SH3GL2: variants seen among roughly 807,000 people sequenced by gnomAD.
The protein encoded by SH3GL2 is SH3 domain containing GRB2 like 2, endophilin A1.
Under a neutral mutation model 46.0 loss-of-function variants are expected in SH3GL2, and 24 were observed. The ratio of observed to expected loss-of-function variants is 0.52; its 90% CI spans 0.38 to 0.73. The LOEUF (loss-of-function observed/expected upper bound fraction) is 0.73. SH3GL2 is among the 30% of genes least tolerant of loss of function. The probability of loss-of-function intolerance (pLI) is 0.00; values close to 1 mark genes in which losing one functional copy is unlikely to be tolerated. For synonymous variants in SH3GL2, 196 were observed against 147.1 expected (o/e 1.33, Z -2.40); for missense variants, 413 against 424.2 (o/e 0.97, Z 0.23).
At chr9:17,666,695 G>A (rs1285494792) in intron 1 of SH3GL2, among the ~76,000 whole-genome samples, 2 of 151,884 alleles carry the variant, frequency 1.3e-5, no homozygotes, top group African/African-American at 4.8e-5. Flanking sequence ...AGTAGTTTGC[G>A]ATTCGGAAAC....
At chr9:17,648,631 A>G (rs767395505) in intron 1 of SH3GL2, among the ~76,000 whole-genome samples, 21 of 152,222 alleles carry the variant, frequency 1.4e-4, no homozygotes, top group South Asian at 1.0e-3. Context: ...TCTAAAATGT[A>G]CTGAGGTAGT....
chr9:17,636,472 C>G (rs1302513499), intron 1 of SH3GL2, among the ~76,000 whole-genome samples: 1 of 152,206 alleles, frequency 6.6e-6, no homozygotes, highest in African/African-American at 2.4e-5. Context: ...CCTGATCCAT[C>G]TTTGCATTCT....
At chr9:17,776,160 C>G (rs1588325382) in intron 3 of SH3GL2, among the ~76,000 whole-genome samples, 1 of 152,198 alleles carries the variant, frequency 6.6e-6, no homozygotes, top group South Asian at 2.1e-4. Flanking sequence ...GCCTCTGCAG[C>G]CCCACCCTTT....
chr9:17,669,690 A>G (rs1240784810), intron 1 of SH3GL2, among the ~76,000 whole-genome samples: 1 of 152,170 alleles, frequency 6.6e-6, no homozygotes, highest in African/African-American at 2.4e-5. Context: ...TTCTGGGTTT[A>G]TACTCATAAA....
intron 2 of SH3GL2, among the ~76,000 whole-genome samples, chr9:17,752,424 T>G (rs140603758): frequency 1.3e-5 from 2 of 152,332 alleles, no homozygotes; most frequent in Non-Finnish European, 2.9e-5. Flanking sequence ...TTAATATTTC[T>G]TTTATGTTAC....
At chr9:17,707,317 C>T (rs544491622) in intron 1 of SH3GL2, among the ~76,000 whole-genome samples, 1 of 151,926 alleles carries the variant, frequency 6.6e-6, no homozygotes, top group Non-Finnish European at 1.5e-5. Flanking sequence ...CTAAATCTTC[C>T]TCTTGGGGTC....
chr9:17,614,190 A>G (rs528133112), intron 1 of SH3GL2, among the ~76,000 whole-genome samples: 3 of 148,904 alleles, frequency 2.0e-5, no homozygotes, highest in African/African-American at 7.4e-5. Flanking sequence ...ATTGCTGATC[A>G]TTCTCAGTAA....
chr9:17,635,529 G>T (rs546869706), intron 1 of SH3GL2, among the ~76,000 whole-genome samples: 4 of 152,168 alleles, frequency 2.6e-5, no homozygotes, highest in Non-Finnish European at 5.9e-5. Flanking sequence ...GGTTTGAACT[G>T]CTTTATCTGT....
intron 1 of SH3GL2, among the ~76,000 whole-genome samples, chr9:17,630,946 T>A (rs980206671): frequency 6.6e-6 from 1 of 151,958 alleles, no homozygotes; most frequent in Admixed American, 6.5e-5. Flanking sequence ...TTTAACTGTT[T>A]AGGAATGTGA....
chr9:17,706,618 T>C (rs1014825791), intron 1 of SH3GL2, among the ~76,000 whole-genome samples: 1 of 152,090 alleles, frequency 6.6e-6, no homozygotes, highest in Non-Finnish European at 1.5e-5. Context: ...ATATGACATA[T>C]ACTGTTCATG....
chr9:17,777,949 C>T (rs1375313002), intron 3 of SH3GL2, among the ~76,000 whole-genome samples: 2 of 151,870 alleles, frequency 1.3e-5, no homozygotes, highest in Non-Finnish European at 2.9e-5. Flanking sequence ...TAGTTTTATA[C>T]TAGAGGCAGA....
At chr9:17,591,536 A>G (rs1818481453) in intron 1 of SH3GL2, among the ~76,000 whole-genome samples, 1 of 152,194 alleles carries the variant, frequency 6.6e-6, no homozygotes, top group Non-Finnish European at 1.5e-5. Context: ...CAAGTCTTTA[A>G]TCAGTAGTAG....
intron 1 of SH3GL2, among the ~76,000 whole-genome samples, chr9:17,657,159 T>A (rs1563800550): frequency 6.6e-6 from 1 of 152,216 alleles, no homozygotes; most frequent in Non-Finnish European, 1.5e-5. Flanking sequence ...TCAGTTTAAC[T>A]TTTTTTGTGC....
intron 3 of SH3GL2, among the ~76,000 whole-genome samples, chr9:17,779,767 T>G (rs1167766295): frequency 6.6e-6 from 1 of 152,182 alleles, no homozygotes; most frequent in Non-Finnish European, 1.5e-5. Flanking sequence ...AAGTTGGTTT[T>G]CTTTACCCCC....
chr9:17,689,899 T>A (rs975864619), intron 1 of SH3GL2, among the ~76,000 whole-genome samples: 6 of 152,146 alleles, frequency 3.9e-5, no homozygotes, highest in Non-Finnish European at 7.4e-5. Context: ...GGCACATGAA[T>A]TCGGGGACTT....
chr9:17,651,434 T>A (rs1032317322), intron 1 of SH3GL2, among the ~76,000 whole-genome samples: 1 of 152,230 alleles, frequency 6.6e-6, no homozygotes, highest in Non-Finnish European at 1.5e-5. Flanking sequence ...CTTTGTTAGA[T>A]TAATTCCAAG....
chr9:17,602,802 A>G lies in SH3GL2; in HGVS notation c.45+23515A>G, dbSNP rs141224515. On this transcript the variant is annotated intron_variant, in intron 1 of 8. Coordinates refer to ENST00000380607, the MANE Select transcript of SH3GL2 (RefSeq NM_003026.5). ...TAACAAGGACTTCTATCACTGAAAC[A>G]TTCTCTTTTTAATGTTTAACTGCAG... 4.5e-3 allele frequency among the ~76,000 whole-genome samples: 682 copies of G among 152,252 alleles called. 5 individuals carry two copies. The highest frequency in any genetic ancestry group is 0.015 in the African/African-American group (629 of 41,556).
At chr9:17,601,114 C>CT (rs1458163634) in intron 1 of SH3GL2, among the ~76,000 whole-genome samples, 1 of 152,136 alleles carries the variant, frequency 6.6e-6, no homozygotes, top group Non-Finnish European at 1.5e-5. Flanking sequence ...GTTTCTACAG[C>CT]TTTTTTGCAG....
At position 17,579,216 on chromosome 9, in the gene SH3GL2, G is replaced by A; in HGVS notation, c.-27G>A. 2.6e-6 allele frequency: 4 copies of A among 1,529,870 alleles called. No individual in the cohort carries two copies. The highest frequency in any genetic ancestry group is 1.4e-5 in the African/African-American group (1 of 69,794). 94.8% of individuals were successfully genotyped at this position (1,529,870 alleles called of 1,614,324 possible). A position where few individuals can be genotyped will look rare whatever the true frequency, so the allele number is the denominator to read the frequency against. ...CCCTCCGCCTCCTCCCTCCCGCACAGCAGCCGCCAGCGCGGCCTCCTGCAC... is the reference window on the plus strand; with the variant it reads ...CCCTCCGCCTCCTCCCTCCCGCACAACAGCCGCCAGCGCGGCCTCCTGCAC... On this transcript the variant is annotated 5_prime_UTR_variant, in exon 1 of 9. Transcript: ENST00000380607.
Sources: gnomAD v4.1 joint callset for allele counts (sites outside exome capture counted in the v4.1 genomes callset) on GRCh38, gnomAD v4.1.1 for gene constraint, MANE v1.5 for transcripts, NCBI Gene and HGNC (gene_info 2026-07-23, HGNC 2026-07-21) for gene names.